The following GALNT9 variants were observed in gnomAD, a reference collection of about 807,000 sequenced individuals.
The protein encoded by GALNT9 is GalNAc transferase 9.
A neutral mutation model predicts 63.1 loss-of-function variants in GALNT9; 47 were observed. The ratio of observed to expected loss-of-function variants is 0.75; its 90% CI spans 0.59 to 0.95. The LOEUF (loss-of-function observed/expected upper bound fraction) is 0.95, where lower values mean the gene tolerates loss of function less well. Among genes scored for constraint, GALNT9 ranks in the 40% least tolerant of loss-of-function variants. GALNT9 has a pLI of 0.00. For synonymous variants in GALNT9, 396 were observed against 365.7 expected (o/e 1.08, Z -0.94); for missense variants, 829 against 874.8 (o/e 0.95, Z 0.66).
chr12:132,286,509 CT>C lies in GALNT9; in HGVS notation c.239-80del, dbSNP rs35184108. On this transcript the variant is annotated intron_variant, in intron 1 of 10. Coordinates refer to ENST00000328957, the MANE Select transcript of GALNT9 (RefSeq NM_001122636.2). This position sits in a 1 kb window ranked among gnomAD's most constrained non-coding sequence, Gnocchi z 7.4. Reference sequence around the variant, plus strand: ...CACCCAGGAGACGCCCCTCCCGCCCCTCTCCCCGACGGCCGCTTCCCCCGGT... The same window carrying C: ...CACCCAGGAGACGCCCCTCCCGCCCCCTCCCCGACGGCCGCTTCCCCCGGT... The C allele has an allele frequency of 0.25, 357,200 of 1,454,194 alleles. 45,210 individuals are homozygous for C. The highest frequency in any genetic ancestry group is 0.37 in the South Asian group (25,478 of 69,458). 90.1% of individuals were successfully genotyped at this position (1,454,194 alleles called of 1,614,324 possible). A position where few individuals can be genotyped will look rare whatever the true frequency, so the allele number is the denominator to read the frequency against.
intron 6 of GALNT9, among the ~76,000 whole-genome samples, chr12:132,241,177 C>CGG (rs1555237047): frequency 8.1e-6 from 1 of 123,034 alleles, no homozygotes; most frequent in Admixed American, 8.5e-5. Flanking sequence ...ACCCCCTTCC[C>CGG]AGGGCCCTCC....
chr12:132,256,831 C>G (rs1235363697), intron 5 of GALNT9, among the ~76,000 whole-genome samples: 1 of 152,228 alleles, frequency 6.6e-6, no homozygotes, highest in Non-Finnish European at 1.5e-5. Context: ...TGTCAGCCTG[C>G]ACCTTTCAGC....
At position 132,310,040 on chromosome 12, in the gene GALNT9, T is replaced by C. The variant is rs1487532007; in HGVS notation, c.238+18926A>G. On this transcript the variant is annotated intron_variant, in intron 1 of 10. Transcript: ENST00000328957. This position sits in a 1 kb window ranked among gnomAD's most constrained non-coding sequence, Gnocchi z 4.8. Reference sequence around the variant, plus strand: ...CTTGCTGGGTGGAATTTCTGAGAAATATGTCTAAAAAAGGAGACTGCTGGA... The same window carrying C: ...CTTGCTGGGTGGAATTTCTGAGAAACATGTCTAAAAAAGGAGACTGCTGGA... 1.3e-5 allele frequency among the ~76,000 whole-genome samples: 2 copies of C among 152,192 alleles called. No individual in the cohort carries two copies. Among genetic ancestry groups the C allele is most frequent in the African/African-American group, 4.8e-5 (2 of 41,460 alleles).
At chr12:132,225,658 CCACA>C (rs1305378895) in intron 6 of GALNT9, among the ~76,000 whole-genome samples, 6 of 149,526 alleles carry the variant, frequency 4.0e-5, no homozygotes, top group East Asian at 2.0e-4. Context: ...TATACACACC[CCACA>C]CACACACTCC....
At chr12:132,239,338 T>A (rs2136896801) in intron 6 of GALNT9, among the ~76,000 whole-genome samples, 207 of 22,808 alleles carry the variant, frequency 9.1e-3, no homozygotes, top group South Asian at 0.014. Flanking sequence ...AGAGACAGAG[T>A]CAGAGACAGA....
intron 5 of GALNT9, among the ~76,000 whole-genome samples, chr12:132,251,879 C>T (rs1878930183): frequency 6.6e-6 from 1 of 152,176 alleles, no homozygotes; most frequent in Non-Finnish European, 1.5e-5. Flanking sequence ...TGGAGGAACA[C>T]ATGTCCCCAG....
intron 2 of GALNT9, among the ~76,000 whole-genome samples, chr12:132,271,075 T>G (rs1326208247): frequency 6.6e-6 from 1 of 152,194 alleles, no homozygotes; most frequent in Admixed American, 6.5e-5. Context: ...TGCTTCTCCA[T>G]GACAGACGCT....
intron 6 of GALNT9, among the ~76,000 whole-genome samples, chr12:132,224,977 T>A (rs1877593144): frequency 9.1e-6 from 1 of 109,846 alleles, no homozygotes; most frequent in Admixed American, 9.4e-5. Context: ...CCCACACACA[T>A]ACACCCCATA....
chr12:132,208,876 G>A (rs1207898023), intron 6 of GALNT9, among the ~76,000 whole-genome samples: 2 of 152,214 alleles, frequency 1.3e-5, no homozygotes, highest in Non-Finnish European at 2.9e-5. Context: ...TTCCTTGCAT[G>A]CAGCACATAG....
chr12:132,211,635 C>T (rs941700767), intron 6 of GALNT9, among the ~76,000 whole-genome samples: 2 of 152,212 alleles, frequency 1.3e-5, no homozygotes, highest in African/African-American at 4.8e-5. Flanking sequence ...TCTGTCTCCA[C>T]CGTGGTTTTC....
rs1158236124 is a variant in GALNT9, at chr12:132,196,609, T to C, written c.*498A>G. 7 of 989,996 alleles carry C rather than the reference T, an allele frequency of 7.1e-6. No individual in the cohort carries two copies. The highest frequency in any genetic ancestry group is 8.4e-6 in the Non-Finnish European group (7 of 832,956). 61.3% of individuals were successfully genotyped at this position (989,996 alleles called of 1,614,324 possible). On this transcript the variant is annotated 3_prime_UTR_variant, in exon 11 of 11. Coordinates refer to ENST00000328957, the MANE Select transcript of GALNT9 (RefSeq NM_001122636.2). ...CGCTGTCCATGTCCTCCAGCACCCC[T>C]CTTACCAGACCACAAGGAGCTGCAT... is the stretch of plus-strand genomic sequence containing the variant.
chr12:132,240,775 G>A lies in GALNT9; in HGVS notation c.1077+7135C>T, dbSNP rs117555977. The stretch of plus-strand genomic sequence containing the variant: ...ATCACCAGCAGAATTGGAATGTGCA[G>A]TATGATCTATACATGTTTACACACA... On this transcript the variant is annotated intron_variant, in intron 6 of 10. Coordinates refer to ENST00000328957, the MANE Select transcript of GALNT9 (RefSeq NM_001122636.2). The A allele has an allele frequency of 8.8e-6, 4 of 454,160 alleles. 1 individual carries two copies. Among genetic ancestry groups the A allele is most frequent in the South Asian group, 4.7e-5 (3 of 64,354 alleles). The allele number at this position is 454,160 out of a possible 1,614,324, so 28.1% of individuals were successfully genotyped here. A position where few individuals can be genotyped will look rare whatever the true frequency, so the allele number is the denominator to read the frequency against.
intron 2 of GALNT9, among the ~76,000 whole-genome samples, chr12:132,284,932 A>G (rs1880530802): frequency 6.6e-6 from 1 of 152,160 alleles, no homozygotes; most frequent in South Asian, 2.1e-4. Context: ...CTGTCCACAC[A>G]TGGGGAACCC....
chr12:132,211,529 G>T (rs1007629400), intron 6 of GALNT9, among the ~76,000 whole-genome samples: 1 of 152,064 alleles, frequency 6.6e-6, no homozygotes, highest in Non-Finnish European at 1.5e-5. Flanking sequence ...TGCCTTTCGC[G>T]CTGGCCAGAA....
chr12:132,257,587 C>T lies in GALNT9; in HGVS notation c.959+102G>A, dbSNP rs1555239217. On this transcript the variant is annotated intron_variant, in intron 5 of 10. Coordinates refer to ENST00000328957, the MANE Select transcript of GALNT9 (RefSeq NM_001122636.2). ...TCCCCACGCCCTCGTCCCCAGCCCTCGTCCCCGGCCCTCATCCCTGGCCCT... is the reference window on the plus strand; with the variant it reads ...TCCCCACGCCCTCGTCCCCAGCCCTTGTCCCCGGCCCTCATCCCTGGCCCT... 45 of 854,288 alleles carry T rather than the reference C, an allele frequency of 5.3e-5. 1 individual carries two copies. The South Asian group carries it at 6.9e-4, about 13-fold the overall frequency. 52.9% of individuals were successfully genotyped at this position (854,288 alleles called of 1,614,324 possible). A position where few individuals can be genotyped will look rare whatever the true frequency, so the allele number is the denominator to read the frequency against.
intron 1 of GALNT9, among the ~76,000 whole-genome samples, chr12:132,313,234 C>T (rs576437162): frequency 1.4e-5 from 2 of 146,932 alleles, no homozygotes; most frequent in South Asian, 4.5e-4. Context: ...CCTGCCCATC[C>T]ACCAACTCAC....
At chr12:132,227,593 T>C (rs1877746873) in intron 6 of GALNT9, among the ~76,000 whole-genome samples, 1 of 152,190 alleles carries the variant, frequency 6.6e-6, no homozygotes, top group Non-Finnish European at 1.5e-5. Flanking sequence ...CTAAAACAGC[T>C]TTTCTAAAGA....
At position 132,286,128 on chromosome 12, in the gene GALNT9, G is replaced by A. The variant is rs1252772653; in HGVS notation, c.419+122C>T. The A allele has an allele frequency of 8.1e-7, 1 of 1,240,772 alleles. No individual in the cohort carries two copies. The highest frequency in any genetic ancestry group is 1.1e-6 in the Non-Finnish European group (1 of 931,320). 76.9% of individuals were successfully genotyped at this position (1,240,772 alleles called of 1,614,324 possible). On this transcript the variant is annotated intron_variant, in intron 2 of 10. Transcript: ENST00000328957. This position sits in a 1 kb window ranked among gnomAD's most constrained non-coding sequence, Gnocchi z 7.4. Reference sequence around the variant, plus strand: ...GGGCGTGGGGGGCGGTCACTTCCCTGGCGGGCGTGGGGGCCGCTCACTTCC... The same window carrying A: ...GGGCGTGGGGGGCGGTCACTTCCCTAGCGGGCGTGGGGGCCGCTCACTTCC...
chr12:132,215,170 G>A (rs373002769), intron 6 of GALNT9, among the ~76,000 whole-genome samples: 144 of 152,262 alleles, frequency 9.5e-4, no homozygotes, highest in African/African-American at 3.2e-3. Flanking sequence ...TGGCCGCTTC[G>A]GCAGAACAGA....
Sources: allele counts gnomAD v4.1 joint callset (sites outside exome capture counted in the v4.1 genomes callset), GRCh38; gene constraint gnomAD v4.1.1; non-coding constraint Gnocchi (gnomAD v3.1); transcripts MANE v1.5; gene names NCBI Gene and HGNC (gene_info 2026-07-23, HGNC 2026-07-21).